Variants in DBNL observed in about 807,000 individuals in gnomAD.
DBNL encodes the protein drebrin-like protein.
A neutral mutation model predicts 62.2 loss-of-function variants in DBNL; 35 were observed. The ratio of observed to expected loss-of-function variants is 0.56; its 90% CI spans 0.43 to 0.75. The LOEUF is 0.75. DBNL is among the 30% of genes least tolerant of loss of function. DBNL has a pLI of 0.00. For missense variants in DBNL, 495 were observed against 578.4 expected (o/e 0.86, Z 1.48); for synonymous variants, 197 against 218.0 (o/e 0.90, Z 0.85).
In DBNL at chr7:44,059,384, A is replaced by C; in HGVS notation, c.866A>C (p.Gln289Pro). 1 of 1,614,070 alleles carries C rather than the reference A, an allele frequency of 6.2e-7. No homozygotes were observed. The highest frequency in any genetic ancestry group is 1.3e-5 in the African/African-American group (1 of 75,040). ...GKLRSPFLQK[Q>P]LTQPETHFGR... ...CTGAGGAGCCCCTTCCTGCAGAAGC[A>C]GCTCACCCAACCAGAGACCCACTTT... The change falls in exon 10 of 13, where the codon CAG (glutamine) becomes CCG (proline). Residue 289 changes from glutamine (Q) to proline (P), a missense_variant. Transcript: ENST00000448521. This position sits in a 1 kb window ranked among gnomAD's most constrained non-coding sequence, Gnocchi z 4.1.
chr7:44,051,448 G>A (rs1044935019), intron 2 of DBNL: 7 of 192,116 alleles, frequency 3.6e-5, no homozygotes, highest in African/African-American at 9.5e-5. Flanking sequence ...CTTTTGCAAC[G>A]TTGTGGCAAC....
In DBNL at chr7:44,067,373, C is replaced by A. The variant is rs1475661475; in HGVS notation, c.*6457C>A. Reference sequence around the variant, plus strand: ...TAGGAGTGGAAGTAGAAGCTGAGTACCCTGCAGGTCTCGGCAGCTTTGATG... The same window carrying A: ...TAGGAGTGGAAGTAGAAGCTGAGTAACCTGCAGGTCTCGGCAGCTTTGATG... On this transcript the variant is annotated 3_prime_UTR_variant, in exon 13 of 13. Transcript: ENST00000448521. 6.6e-6 allele frequency: 1 copy of A among 152,190 alleles called. No individual in the cohort carries two copies. Among genetic ancestry groups the A allele is most frequent in the African/African-American group, 2.4e-5 (1 of 41,430 alleles). The allele number at this position is 152,190 out of a possible 1,614,324, so 9.4% of individuals were successfully genotyped here. A position where few individuals can be genotyped will look rare whatever the true frequency, so the allele number is the denominator to read the frequency against.
At chr7:44,058,015 T>C (rs2128793441) in intron 6 of DBNL, 114 bp from the exon 7 acceptor site, 1 of 1,521,642 alleles carries the variant, frequency 6.6e-7, no homozygotes, top group Non-Finnish European at 8.9e-7. Flanking sequence ...ACAAGGCTAA[T>C]GATCGACTGG....
intron 5 of DBNL, 102 bp from the exon 6 acceptor site, chr7:44,057,680 C>A: frequency 7.7e-7 from 1 of 1,303,182 alleles, no homozygotes; most frequent in Admixed American, 1.8e-5. Flanking sequence ...CCTAGCAGCA[C>A]TCACCTGTGC....
chr7:44,064,853 C>G lies in DBNL; in HGVS notation c.*3937C>G. On this transcript the variant is annotated 3_prime_UTR_variant, in exon 13 of 13. Coordinates refer to ENST00000448521, the MANE Select transcript of DBNL (RefSeq NM_001014436.3). ...TCACCTTCCAGGTGCTTGACAATGC[C>G]CCGCAGGCTGTTCCCGTGGGCTGCA... 6.2e-7 allele frequency: 1 copy of G among 1,609,308 alleles called. No individual in the cohort carries two copies. The highest frequency in any genetic ancestry group is 8.5e-7 in the Non-Finnish European group (1 of 1,179,016).
Position 44,066,760 on chromosome 7 carries a change from C to G in DBNL, c.*5844C>G, listed in dbSNP as rs2096160893. Reference sequence around the variant, plus strand: ...TACCCAAAGGTTGGCAGACAAGTCCCAGTGGGCAAAGTCCTGTCGGCTGCC... The same window carrying G: ...TACCCAAAGGTTGGCAGACAAGTCCGAGTGGGCAAAGTCCTGTCGGCTGCC... On this transcript the variant is annotated 3_prime_UTR_variant, in exon 13 of 13. Transcript: ENST00000448521. The G allele has an allele frequency of 6.6e-6, 1 of 152,370 alleles. No individual in the cohort carries two copies. The highest frequency in any genetic ancestry group is 6.5e-5 in the Admixed American group (1 of 15,286). The allele number at this position is 152,370 out of a possible 1,614,324, so 9.4% of individuals were successfully genotyped here. A position where few individuals can be genotyped will look rare whatever the true frequency, so the allele number is the denominator to read the frequency against.
Position 44,065,014 on chromosome 7 carries a change from T to C in DBNL, c.*4098T>C, listed in dbSNP as rs1586001667. 5 of 1,606,702 alleles carry C rather than the reference T, an allele frequency of 3.1e-6. No homozygotes were observed. The East Asian group carries it at 1.1e-4, about 36-fold the overall frequency. ...CTTCAGGCCTGCGTACCGACGCTCC[T>C]GGGGGACACAGGCACGCTGCTTTCC... is the stretch of plus-strand genomic sequence containing the variant. On this transcript the variant is annotated 3_prime_UTR_variant, in exon 13 of 13. Transcript: ENST00000448521.
rs2096154008 is a variant in DBNL, at chr7:44,063,898, G to A, written c.*2982G>A. ...GGGGCTGCATGAAGTCTCCGGAAGG[G>A]AGAGGAGGCAGGTGGTCCTTCCCTC... On this transcript the variant is annotated 3_prime_UTR_variant, in exon 13 of 13. Transcript: ENST00000448521. 1 of 152,388 alleles carries A rather than the reference G, an allele frequency of 6.6e-6. No individual in the cohort carries two copies. The highest frequency in any genetic ancestry group is 6.5e-5 in the Admixed American group (1 of 15,286). The allele number at this position is 152,388 out of a possible 1,614,324, so 9.4% of individuals were successfully genotyped here.
chr7:44,050,335 G>A (rs373996335), intron 2 of DBNL, 55 bp downstream of exon 2: 18 of 1,592,492 alleles, frequency 1.1e-5, no homozygotes, highest in African/African-American at 5.4e-5. Context: ...GGGTGACGAC[G>A]AGGGGTCAGC....
Position 44,050,364 on chromosome 7 carries a change from C to A in DBNL, c.139+84C>A. The A allele has an allele frequency of 2.1e-6, 3 of 1,456,274 alleles. No homozygotes were observed. In the South Asian group the frequency reaches 3.5e-5, roughly 17 times the overall value. The allele number at this position is 1,456,274 out of a possible 1,614,324, so 90.2% of individuals were successfully genotyped here. ...GGTCAGCGCACTCAGCTGTCTTGGTCCACTGAGCCACATGGGGCTTCCAGT... is the reference window on the plus strand; with the variant it reads ...GGTCAGCGCACTCAGCTGTCTTGGTACACTGAGCCACATGGGGCTTCCAGT... On this transcript the variant is annotated intron_variant, in intron 2 of 12. Transcript: ENST00000448521.
chr7:44,055,076 T>C (rs2096133773), intron 4 of DBNL, among the ~76,000 whole-genome samples: 1 of 152,256 alleles, frequency 6.6e-6, no homozygotes, highest in East Asian at 1.9e-4. Flanking sequence ...CTATTGTTAA[T>C]AGCGCTGAAC....
At position 44,064,839 on chromosome 7, in the gene DBNL, G is replaced by A. The variant is rs1001161504; in HGVS notation, c.*3923G>A. 5 of 1,583,386 alleles carry A rather than the reference G, an allele frequency of 3.2e-6. No homozygotes were observed. Among genetic ancestry groups the A allele is most frequent in the African/African-American group, 2.7e-5 (2 of 74,174 alleles). ...TCCTGAAGGTGGCCTCACCTTCCAG[G>A]TGCTTGACAATGCCCCGCAGGCTGT... On this transcript the variant is annotated 3_prime_UTR_variant, in exon 13 of 13. Coordinates refer to ENST00000448521, the MANE Select transcript of DBNL (RefSeq NM_001014436.3).
In DBNL at chr7:44,061,032, G is replaced by A; in HGVS notation, c.*116G>A. On this transcript the variant is annotated 3_prime_UTR_variant, in exon 13 of 13. Coordinates refer to ENST00000448521, the MANE Select transcript of DBNL (RefSeq NM_001014436.3). ...CAGGAATAGGACCCCCAGTGAGGAT[G>A]AGGCCTCAGGGCTCCCTCCGGCTTG... 2 of 1,383,012 alleles carry A rather than the reference G, an allele frequency of 1.4e-6. No individual in the cohort carries two copies. The highest frequency in any genetic ancestry group is 1.4e-5 in the South Asian group (1 of 69,226). 85.7% of individuals were successfully genotyped at this position (1,383,012 alleles called of 1,614,324 possible). A position where few individuals can be genotyped will look rare whatever the true frequency, so the allele number is the denominator to read the frequency against.
Position 44,059,297 on chromosome 7 carries a change from T to C in DBNL, c.836-57T>C. The C allele has an allele frequency of 1.9e-6, 3 of 1,553,698 alleles. No individual in the cohort carries two copies. The highest frequency in any genetic ancestry group is 2.6e-6 in the Non-Finnish European group (3 of 1,133,020). On this transcript the variant is annotated intron_variant, in intron 9 of 12. Transcript: ENST00000448521. The surrounding 1 kb of genome is among the most constrained non-coding windows in gnomAD (Gnocchi z 4.1). ...CACCAGGGTGGAGGGTGCTGTGGGGTGCGTGGGTGTGTGGTGGTGTTTCTG... is the reference window on the plus strand; with the variant it reads ...CACCAGGGTGGAGGGTGCTGTGGGGCGCGTGGGTGTGTGGTGGTGTTTCTG...
rs147531456 is a variant in DBNL, at chr7:44,058,018, T to A, written c.553-111T>A. On this transcript the variant is annotated intron_variant, in intron 6 of 12. Coordinates refer to ENST00000448521, the MANE Select transcript of DBNL (RefSeq NM_001014436.3). ...GTAAGTTAAGCCACAAGGCTAATGA[T>A]CGACTGGCTCTGGTGCCCGTCTTTG... 731 of 1,520,854 alleles carry A rather than the reference T, an allele frequency of 4.8e-4. 4 individuals carry two copies. In the African/African-American group the frequency reaches 9.5e-3, roughly 20 times the overall value. 94.2% of individuals were successfully genotyped at this position (1,520,854 alleles called of 1,614,324 possible). A position where few individuals can be genotyped will look rare whatever the true frequency, so the allele number is the denominator to read the frequency against.
In DBNL at chr7:44,065,743, T is replaced by C; in HGVS notation, c.*4827T>C. 5 of 606,732 alleles carry C rather than the reference T, an allele frequency of 8.2e-6. No individual in the cohort carries two copies. The South Asian group carries it at 9.5e-5, about 12-fold the overall frequency. 37.6% of individuals were successfully genotyped at this position (606,732 alleles called of 1,614,324 possible). ...GCTGTGCTTAAAATAGCCCCACGCA[T>C]CCACCAGCTCCTGGCCTGGGTTCAG... On this transcript the variant is annotated 3_prime_UTR_variant, in exon 13 of 13. Coordinates refer to ENST00000448521, the MANE Select transcript of DBNL (RefSeq NM_001014436.3).
At position 44,053,721 on chromosome 7, in the gene DBNL, G is replaced by C. The variant is rs9692597; in HGVS notation, c.327+780G>C. Among the ~76,000 whole-genome samples, 15 of 150,222 alleles carry C rather than the reference G, an allele frequency of 1.0e-4. No homozygotes were observed. The East Asian group carries it at 2.5e-3, about 25-fold the overall frequency. ...AGACTGAGTCTCGCTCCGTTGCCCA[G>C]GCTGGAGTGCAGTGGCGTGATCTTG... On this transcript the variant is annotated intron_variant, in intron 4 of 12. Transcript: ENST00000448521.
chr7:44,065,323 G>A lies in DBNL; in HGVS notation c.*4407G>A. The A allele has an allele frequency of 6.2e-7, 1 of 1,613,682 alleles. No individual in the cohort carries two copies. The highest frequency in any genetic ancestry group is 8.5e-7 in the Non-Finnish European group (1 of 1,180,034). On this transcript the variant is annotated 3_prime_UTR_variant, in exon 13 of 13. Coordinates refer to ENST00000448521, the MANE Select transcript of DBNL (RefSeq NM_001014436.3). ...ACATCTGGTCCGTGCCGTCCAGGATGGCCCAGAGGGTGCGGATGGCCCGCT... is the reference window on the plus strand; with the variant it reads ...ACATCTGGTCCGTGCCGTCCAGGATAGCCCAGAGGGTGCGGATGGCCCGCT...
At chr7:44,045,122 T>G (rs2096114644) in intron 1 of DBNL, among the ~76,000 whole-genome samples, 1 of 152,198 alleles carries the variant, frequency 6.6e-6, no homozygotes, top group Admixed American at 6.5e-5. Context: ...TGTTGGATCC[T>G]CGGCCTGGTC....
Sources: allele counts gnomAD v4.1 joint callset (sites outside exome capture counted in the v4.1 genomes callset), GRCh38; gene constraint gnomAD v4.1.1; non-coding constraint Gnocchi (gnomAD v3.1); transcripts MANE v1.5; gene names NCBI Gene and HGNC (gene_info 2026-07-23, HGNC 2026-07-21).